DDX60L: variants seen among roughly 807,000 people sequenced by gnomAD.
DDX60L encodes the protein DExD/H-box 60 like, also known as probable ATP-dependent RNA helicase DDX60-like.
Under a neutral mutation model 211.6 loss-of-function variants are expected in DDX60L, and 191 were observed. That is an observed-to-expected ratio of 0.90 (90% CI 0.80 to 1.02). The LOEUF is 1.02. Among genes scored for constraint, DDX60L ranks in the 50% least tolerant of loss-of-function variants. DDX60L has a pLI of 0.00. For missense variants in DDX60L, 2,007 were observed against 1,984.1 expected (o/e 1.01, Z -0.22); for synonymous variants, 706 against 694.1 (o/e 1.02, Z -0.27).
chr4:168,406,398 G>A (rs1183576682), intron 23 of DDX60L, among the ~76,000 whole-genome samples: 1 of 152,102 alleles, frequency 6.6e-6, no homozygotes, highest in Non-Finnish European at 1.5e-5. Context: ...ACATATTTTT[G>A]AGAATTACAG....
At position 168,391,592 on chromosome 4, in the gene DDX60L, G is replaced by A. The variant is rs754870348; in HGVS notation, c.3863C>T (p.Ser1288Phe). 4 of 1,598,418 alleles carry A rather than the reference G, an allele frequency of 2.5e-6. No individual in the cohort carries two copies. Among genetic ancestry groups the A allele is most frequent in the South Asian group, 2.2e-5 (2 of 89,234 alleles). Residue 1288 changes from serine to phenylalanine, a missense_variant, in exon 29 of 38, where the codon TCT becomes TTT. By Grantham distance (155) the Ser-to-Phe change is radical. Transcript: ENST00000682922. ...LALGIHMPCKSVVFAQDSVYL... is the reference protein window; with the variant it reads ...LALGIHMPCKFVVFAQDSVYL... ...GACTGAGTCTTGGGCAAAAACAACA[G>A]ATTTGCATGGCATGTGGATCCCTAA...
chr4:168,465,126 G>T (rs1239254256), intron 4 of DDX60L, among the ~76,000 whole-genome samples: 1 of 148,016 alleles, frequency 6.8e-6, no homozygotes, highest in Admixed American at 6.9e-5. Flanking sequence ...CAGCATATGA[G>T]TTACCCTTTC....
rs983507848 is a variant in DDX60L at position 168,460,532 on chromosome 4, T to C, written c.606+1167A>G. Among the ~76,000 whole-genome samples the C allele has an allele frequency of 2.0e-5, 3 of 152,090 alleles. 1 individual carries two copies. Among genetic ancestry groups the C allele is most frequent in the Admixed American group, 2.0e-4 (3 of 15,268 alleles). On this transcript the variant is annotated intron_variant, in intron 5 of 37. Coordinates refer to ENST00000682922, the MANE Select transcript of DDX60L (RefSeq NM_001012967.3). ...GGCGGCAGGACACCCTACGGCTAAATATAGAAGCTAGAGACATACTCCTTT... is the reference window on the plus strand; with the variant it reads ...GGCGGCAGGACACCCTACGGCTAAACATAGAAGCTAGAGACATACTCCTTT...
intron 25 of DDX60L, among the ~76,000 whole-genome samples, chr4:168,402,558 A>C (rs1936456039): frequency 6.6e-6 from 1 of 152,216 alleles, no homozygotes; most frequent in South Asian, 2.1e-4. Flanking sequence ...TCCATTTTTC[A>C]AATGAGGCTG....
intron 29 of DDX60L, among the ~76,000 whole-genome samples, chr4:168,387,785 C>T (rs190120063): frequency 3.0e-4 from 46 of 152,222 alleles, no homozygotes; most frequent in Admixed American, 7.2e-4. Flanking sequence ...AAAGTGGGCA[C>T]GGCAAATGAA....
chr4:168,363,312 A>C (rs1739410521), intron 36 of DDX60L, among the ~76,000 whole-genome samples: 1 of 152,232 alleles, frequency 6.6e-6, no homozygotes, highest in Admixed American at 6.5e-5. Context: ...TCTTAAGTGA[A>C]TGCTACAACT....
At chr4:168,458,149 AAAC>A in intron 5 of DDX60L, 141 bp from the exon 6 acceptor site, 1 of 511,524 alleles carries the variant, frequency 2.0e-6, no homozygotes, top group Non-Finnish European at 3.4e-6. Context: ...AAAAGTCAAG[AAAC>A]AACATATGCT....
chr4:168,423,679 G>C lies in DDX60L; in HGVS notation c.2026C>G (p.His676Asp). 6.2e-7 allele frequency: 1 copy of C among 1,605,284 alleles called. No individual in the cohort carries two copies. The highest frequency in any genetic ancestry group is 8.5e-7 in the Non-Finnish European group (1 of 1,175,718). ...RYPEILEAEH[H>D]QYIAKCLKYL... ...TTAAGGCATTTAGCTATATATTGAT[G>C]ATGTTCTGCTTCCAAAATTTCTGGG... The change falls in exon 15 of 38, where the codon CAT becomes GAT. Residue 676 changes from histidine (H) to aspartate (D), a missense_variant. Transcript: ENST00000682922.
At chr4:168,473,174 G>A (rs1386869500) in intron 1 of DDX60L, among the ~76,000 whole-genome samples, 2 of 152,238 alleles carry the variant, frequency 1.3e-5, no homozygotes, top group Non-Finnish European at 1.5e-5. Context: ...GGCTGCAGCA[G>A]AGGGTAAGGC....
At chr4:168,406,224 C>A in intron 23 of DDX60L, 146 bp from the exon 24 acceptor site, 1 of 713,734 alleles carries the variant, frequency 1.4e-6, no homozygotes, top group Non-Finnish European at 2.2e-6. Context: ...TTTTACCTCC[C>A]AATAATTTCT....
At chr4:168,423,848 A>G in intron 14 of DDX60L, 74 bp from the exon 15 acceptor site, 1 of 975,428 alleles carries the variant, frequency 1.0e-6, no homozygotes, top group Non-Finnish European at 1.5e-6. Context: ...ACAATCATTG[A>G]GTTAATCAAT....
Position 168,420,463 on chromosome 4 carries a change from TACACACACACACAC to T in DDX60L, c.2395-97_2395-84del, listed in dbSNP as rs10598232. ...TTGAGGACAACCGAATCCATACACA[TACACACACACACAC>T]ACACACACACACACACACACACACA... On this transcript the variant is annotated intron_variant, in intron 17 of 37. Coordinates refer to ENST00000682922, the MANE Select transcript of DDX60L (RefSeq NM_001012967.3). 1.8e-3 allele frequency: 846 copies of T among 459,090 alleles called. 1 individual carries two copies. Among genetic ancestry groups the T allele is most frequent in the Non-Finnish European group, 2.1e-3 (568 of 270,350 alleles). The allele number at this position is 459,090 out of a possible 1,614,324, so 28.4% of individuals were successfully genotyped here. A position where few individuals can be genotyped will look rare whatever the true frequency, so the allele number is the denominator to read the frequency against.
At chr4:168,403,318 GTT>G (rs1747161802) in intron 25 of DDX60L, among the ~76,000 whole-genome samples, 1 of 152,206 alleles carries the variant, frequency 6.6e-6, no homozygotes, top group African/African-American at 2.4e-5. Context: ...GTGTTTGTGT[GTT>G]TGTCTTTGTA....
intron 26 of DDX60L, among the ~76,000 whole-genome samples, chr4:168,398,703 C>T (rs550952701): frequency 6.6e-6 from 1 of 152,344 alleles, no homozygotes; most frequent in Non-Finnish European, 1.5e-5. Context: ...AAACCTCAGA[C>T]TCAGCCAGAC....
chr4:168,399,477 T>G (rs1047865869), intron 26 of DDX60L, among the ~76,000 whole-genome samples: 1 of 152,312 alleles, frequency 6.6e-6, no homozygotes, highest in East Asian at 1.9e-4. Context: ...GCAGCTAGCA[T>G]GCCTGGCTGT....
chr4:168,473,857 T>C (rs1357945494), intron 1 of DDX60L, among the ~76,000 whole-genome samples: 5 of 152,058 alleles, frequency 3.3e-5, no homozygotes, highest in Admixed American at 1.3e-4. Flanking sequence ...ATATTAACCA[T>C]AAAGAATAGC....
At chr4:168,387,594 T>C (rs1744125315) in intron 29 of DDX60L, among the ~76,000 whole-genome samples, 1 of 150,466 alleles carries the variant, frequency 6.6e-6, no homozygotes, top group East Asian at 1.9e-4. Context: ...TCTCATATCC[T>C]TTTGTTAACA....
At chr4:168,438,991 G>A (rs367937657) in intron 10 of DDX60L, among the ~76,000 whole-genome samples, 5 of 152,190 alleles carry the variant, frequency 3.3e-5, no homozygotes, top group East Asian at 1.9e-4. Flanking sequence ...CAAAGCAGAC[G>A]AGTGAAAATT....
intron 8 of DDX60L, among the ~76,000 whole-genome samples, chr4:168,451,232 G>A (rs1755764930): frequency 6.6e-6 from 1 of 152,116 alleles, no homozygotes; most frequent in African/African-American, 2.4e-5. Flanking sequence ...AACTGGTATG[G>A]TATTCAGAAC....
Sources: gnomAD v4.1 joint callset for allele counts (sites outside exome capture counted in the v4.1 genomes callset) on GRCh38, gnomAD v4.1.1 for gene constraint, MANE v1.5 for transcripts, NCBI Gene and HGNC (gene_info 2026-07-23, HGNC 2026-07-21) for gene names.